The following THSD7A variants were observed in gnomAD, a reference collection of about 807,000 sequenced individuals.
The protein encoded by THSD7A is thrombospondin type 1 domain containing 7A, also known as thrombospondin type-1 domain-containing protein 7A.
A neutral mutation model predicts 231.3 loss-of-function variants in THSD7A; 96 were observed. That is an observed-to-expected ratio of 0.41 (90% CI 0.35 to 0.49). The LOEUF is 0.49. THSD7A is among the 20% of genes least tolerant of loss of function. The probability of loss-of-function intolerance (pLI) is 0.05; values close to 1 mark genes in which losing one functional copy is unlikely to be tolerated. For synonymous variants in THSD7A, 940 were observed against 743.3 expected (o/e 1.26, Z -4.30); for missense variants, 2,290 against 2,070.2 (o/e 1.11, Z -2.06).
intron 13 of THSD7A, among the ~76,000 whole-genome samples, chr7:11,434,380 G>A (rs1220988601): frequency 2.2e-5 from 3 of 137,552 alleles, no homozygotes; most frequent in African/African-American, 9.2e-5. Flanking sequence ...AAATACAAAA[G>A]ACTAGCAGGC....
intron 1 of THSD7A, among the ~76,000 whole-genome samples, chr7:11,658,297 T>C (rs541636652): frequency 1.3e-5 from 2 of 151,890 alleles, no homozygotes; most frequent in South Asian, 4.2e-4. Flanking sequence ...TACTGGTTTA[T>C]TTTCTTTTTC....
intron 1 of THSD7A, among the ~76,000 whole-genome samples, chr7:11,729,468 C>G (rs999738773): frequency 1.3e-5 from 2 of 151,604 alleles, no homozygotes; most frequent in Non-Finnish European, 1.5e-5. Context: ...AAGAAAGGCC[C>G]CAACTGCTAC....
At chr7:11,712,670 A>C (rs1225580219) in intron 1 of THSD7A, among the ~76,000 whole-genome samples, 1 of 151,092 alleles carries the variant, frequency 6.6e-6, no homozygotes, top group Admixed American at 6.6e-5. Context: ...TTGTTGCCTC[A>C]ACCTTAGATT....
chr7:11,401,995 A>C (rs760406870), intron 22 of THSD7A, 27 bp from the exon 23 acceptor site: 1 of 1,592,014 alleles, frequency 6.3e-7, no homozygotes, highest in South Asian at 1.1e-5. Flanking sequence ...TGTAATTTAC[A>C]CCCATATCCA....
chr7:11,511,735 A>G (rs964984429), intron 6 of THSD7A, among the ~76,000 whole-genome samples: 3 of 152,250 alleles, frequency 2.0e-5, no homozygotes, highest in Non-Finnish European at 4.4e-5. Flanking sequence ...AGCCATATGT[A>G]GAAAGCTGAA....
intron 1 of THSD7A, among the ~76,000 whole-genome samples, chr7:11,639,140 T>C (rs1006734048): frequency 3.3e-5 from 5 of 152,320 alleles, no homozygotes; most frequent in Non-Finnish European, 7.3e-5. Context: ...TTTGAAAATA[T>C]AAGTGTCTTA....
chr7:11,573,529 G>A (rs1445722418), intron 4 of THSD7A, among the ~76,000 whole-genome samples: 3 of 152,180 alleles, frequency 2.0e-5, no homozygotes, highest in African/African-American at 4.8e-5. Flanking sequence ...TGTAATCACG[G>A]TCTTCTGGCT....
rs1254698862 is a variant in THSD7A at position 11,831,390 on chromosome 7, A to C, written c.190+367T>G. Among the ~76,000 whole-genome samples the C allele has an allele frequency of 6.6e-6, 1 of 152,164 alleles. No individual in the cohort carries two copies. The highest frequency in any genetic ancestry group is 2.4e-5 in the African/African-American group (1 of 41,434). On this transcript the variant is annotated intron_variant, in intron 1 of 27. Transcript: ENST00000423059. This position sits in a 1 kb window ranked among gnomAD's most constrained non-coding sequence, Gnocchi z 5.0. ...GACAGTGAGCATATTGCTTTGCCTA[A>C]AGAATAAAGACTGAGACTAAACTCT...
intron 1 of THSD7A, among the ~76,000 whole-genome samples, chr7:11,733,428 A>G (rs1313559107): frequency 1.3e-5 from 2 of 151,952 alleles, no homozygotes; most frequent in Non-Finnish European, 2.9e-5. Flanking sequence ...GGTGTGTGAA[A>G]AAAGATAAGA....
At chr7:11,565,819 T>A (rs898353846) in intron 4 of THSD7A, among the ~76,000 whole-genome samples, 2 of 152,170 alleles carry the variant, frequency 1.3e-5, no homozygotes, top group Non-Finnish European at 2.9e-5. Context: ...CCCCAATTCC[T>A]CCTCCTTGTA....
chr7:11,470,795 T>C (rs1311768961), intron 8 of THSD7A, among the ~76,000 whole-genome samples: 2 of 151,864 alleles, frequency 1.3e-5, no homozygotes, highest in Non-Finnish European at 2.9e-5. Context: ...AATTAACTAC[T>C]ATTTTCAAAA....
chr7:11,665,589 A>G (rs1436874580), intron 1 of THSD7A, among the ~76,000 whole-genome samples: 1 of 152,136 alleles, frequency 6.6e-6, no homozygotes, highest in Admixed American at 6.6e-5. Context: ...GGTTTGGAAC[A>G]CTTATCTCCT....
intron 23 of THSD7A, among the ~76,000 whole-genome samples, chr7:11,383,143 GCACA>G (rs1055651613): frequency 6.6e-6 from 1 of 151,072 alleles, no homozygotes; most frequent in African/African-American, 2.4e-5. Flanking sequence ...ATACACACAC[GCACA>G]CACACATAAT....
At chr7:11,431,683 C>G (rs559100965) in intron 13 of THSD7A, among the ~76,000 whole-genome samples, 1 of 152,030 alleles carries the variant, frequency 6.6e-6, no homozygotes, top group Non-Finnish European at 1.5e-5. Flanking sequence ...TTGAGTCAAA[C>G]TTCTATATGC....
chr7:11,651,080 T>C (rs1461844640), intron 1 of THSD7A, among the ~76,000 whole-genome samples: 2 of 152,000 alleles, frequency 1.3e-5, no homozygotes, highest in African/African-American at 4.8e-5. Flanking sequence ...GACAAAAATG[T>C]GATATACATA....
chr7:11,392,091 A>G (rs1233080126), intron 23 of THSD7A, among the ~76,000 whole-genome samples: 1 of 151,956 alleles, frequency 6.6e-6, no homozygotes, highest in Admixed American at 6.6e-5. Context: ...TCACATAGGG[A>G]GATCCTGGAT....
intron 1 of THSD7A, among the ~76,000 whole-genome samples, chr7:11,794,197 T>C (rs1051653928): frequency 1.3e-5 from 2 of 152,000 alleles, no homozygotes; most frequent in African/African-American, 4.8e-5. Flanking sequence ...ATACATGTTA[T>C]ACCTCCTACC....
intron 1 of THSD7A, among the ~76,000 whole-genome samples, chr7:11,679,269 T>C (rs568670866): frequency 1.3e-5 from 2 of 152,290 alleles, no homozygotes; most frequent in East Asian, 1.9e-4. Flanking sequence ...GCTAGAAGCA[T>C]TCCCTTTGAA....
chr7:11,793,815 G>C (rs547491507), intron 1 of THSD7A, among the ~76,000 whole-genome samples: 1 of 151,938 alleles, frequency 6.6e-6, no homozygotes, highest in Admixed American at 6.6e-5. Flanking sequence ...TGTTGCTTTG[G>C]ACTTCCAATG....
Sources: allele counts gnomAD v4.1 joint callset (sites outside exome capture counted in the v4.1 genomes callset), GRCh38; gene constraint gnomAD v4.1.1; non-coding constraint Gnocchi (gnomAD v3.1); transcripts MANE v1.5; gene names NCBI Gene and HGNC (gene_info 2026-07-23, HGNC 2026-07-21).